The following RASA3 variants were observed in gnomAD, a reference collection of about 807,000 sequenced individuals.
RASA3 encodes RAS p21 protein activator 3.
In RASA3, 73 loss-of-function variants were observed where a neutral mutation model predicts 110.0. The ratio of observed to expected loss-of-function variants is 0.66; its 90% CI spans 0.55 to 0.81. The LOEUF (loss-of-function observed/expected upper bound fraction) is 0.81, where lower values mean the gene tolerates loss of function less well. Ranked by LOEUF, RASA3 falls within the 30% of genes least tolerant of loss-of-function variation. The pLI, the probability that RASA3 is intolerant of heterozygous loss-of-function variation, is 0.00. For missense variants in RASA3, 976 were observed against 1,113.2 expected, an observed-to-expected ratio of 0.88 and a Z score of 1.75; for synonymous variants, 500 against 451.4, an observed-to-expected ratio of 1.11 and a Z score of -1.37.
intron 1 of RASA3, among the ~76,000 whole-genome samples, chr13:114,076,555 C>G (rs929874731): frequency 6.6e-6 from 1 of 151,690 alleles, no homozygotes; most frequent in African/African-American, 2.4e-5. Flanking sequence ...CGCACACACA[C>G]GCAGCACACG....
intron 17 of RASA3, 74 bp downstream of exon 17, chr13:114,009,313 T>C (rs2053581266): frequency 8.2e-7 from 1 of 1,212,960 alleles, no homozygotes; most frequent in Non-Finnish European, 1.2e-6. Flanking sequence ...ATGTGGGTTC[T>C]ATCTCAATTT....
chr13:114,128,658 C>T (rs1002120452), intron 1 of RASA3, among the ~76,000 whole-genome samples: 7 of 152,374 alleles, frequency 4.6e-5, no homozygotes, highest in Admixed American at 1.3e-4. Flanking sequence ...CAGGCACCAG[C>T]GGTTCAATGT....
At position 113,980,028 on chromosome 13, in the gene RASA3, CTG is replaced by C. The variant is rs540748896; in HGVS notation, c.2430-608_2430-607del. ...GTGTGTACACCTCCCACGTGTGCAC[CTG>C]TGTGTGCACCTCTGTGTGCCTCCTG... On this transcript the variant is annotated intron_variant, in intron 23 of 23. Coordinates refer to ENST00000334062, the MANE Select transcript of RASA3 (RefSeq NM_007368.4). 1.9e-4 allele frequency among the ~76,000 whole-genome samples: 27 copies of C among 141,058 alleles called. No homozygotes were observed. The East Asian group carries it at 2.4e-3, about 13-fold the overall frequency. The allele number at this position is 141,058 out of a possible 152,430, so 92.5% of individuals were successfully genotyped here. A position where few individuals can be genotyped will look rare whatever the true frequency, so the allele number is the denominator to read the frequency against.
At chr13:114,052,954 G>T (rs1471943297) in intron 2 of RASA3, among the ~76,000 whole-genome samples, 1 of 123,812 alleles carries the variant, frequency 8.1e-6, no homozygotes, top group Non-Finnish European at 1.7e-5. Flanking sequence ...CCTCGCTCCT[G>T]GGGGAGAAAT....
At chr13:114,108,035 C>G (rs993539877) in intron 1 of RASA3, among the ~76,000 whole-genome samples, 2 of 151,986 alleles carry the variant, frequency 1.3e-5, no homozygotes, top group African/African-American at 2.4e-5. Flanking sequence ...CTGAACACTA[C>G]GAAAAACCTG....
At chr13:114,132,244 C>A (rs1193264233) in intron 1 of RASA3, among the ~76,000 whole-genome samples, 191 bp downstream of exon 1, 5 of 152,152 alleles carry the variant, frequency 3.3e-5, no homozygotes, top group African/African-American at 9.6e-5. Flanking sequence ...CTCGACCCAG[C>A]CCGAGGCCCG....
chr13:114,116,527 C>A (rs2080277747), intron 1 of RASA3, among the ~76,000 whole-genome samples: 1 of 114,976 alleles, frequency 8.7e-6, no homozygotes. Context: ...GCACACGAAC[C>A]CTTAGAAGAG....
intron 22 of RASA3, among the ~76,000 whole-genome samples, chr13:113,989,483 A>C: frequency 2.0e-5 from 2 of 100,930 alleles, no homozygotes; most frequent in African/African-American, 4.0e-5. Context: ...ATCCACCATC[A>C]CTCACCCATG....
intron 1 of RASA3, among the ~76,000 whole-genome samples, chr13:114,126,469 C>T (rs941923431): frequency 2.0e-5 from 3 of 151,290 alleles, no homozygotes; most frequent in South Asian, 2.1e-4. Context: ...CCTCCCAGAC[C>T]CCCTCCAAGA....
At chr13:114,080,264 C>A (rs1423665514) in intron 1 of RASA3, among the ~76,000 whole-genome samples, 1 of 152,188 alleles carries the variant, frequency 6.6e-6, no homozygotes, top group Non-Finnish European at 1.5e-5. Context: ...AGGCACCCCC[C>A]AATCCTCCTG....
chr13:114,118,492 C>T (rs576751819), intron 1 of RASA3, among the ~76,000 whole-genome samples: 3 of 152,360 alleles, frequency 2.0e-5, no homozygotes, highest in South Asian at 4.1e-4. Context: ...GACTCTATCA[C>T]ATCCCAACTC....
intron 1 of RASA3, among the ~76,000 whole-genome samples, chr13:114,131,411 A>G (rs2080517279): frequency 6.6e-6 from 1 of 152,190 alleles, no homozygotes; most frequent in Admixed American, 6.5e-5. Context: ...CAGTCACTCC[A>G]GGAAACGGTC....
At chr13:114,009,322 T>C in intron 17 of RASA3, 65 bp downstream of exon 17, 3 of 1,344,228 alleles carry the variant, frequency 2.2e-6, no homozygotes, top group Non-Finnish European at 2.1e-6. Context: ...CTATCTCAAT[T>C]TTAAAAGAGA....
intron 2 of RASA3, among the ~76,000 whole-genome samples, chr13:114,058,749 G>C (rs1264125569): frequency 6.6e-6 from 1 of 152,226 alleles, no homozygotes; most frequent in Non-Finnish European, 1.5e-5. Context: ...TGCTGCTGTG[G>C]ACACAGGTGA....
chr13:114,122,551 C>A (rs1361832752), intron 1 of RASA3, among the ~76,000 whole-genome samples: 1 of 152,242 alleles, frequency 6.6e-6, no homozygotes, highest in Non-Finnish European at 1.5e-5. Context: ...CTCCTTCCTG[C>A]CCCCGAGCCG....
chr13:114,033,013 C>G (rs2054202700), intron 4 of RASA3, among the ~76,000 whole-genome samples: 1 of 110,446 alleles, frequency 9.1e-6, no homozygotes, highest in Admixed American at 9.1e-5. Context: ...CACGGCACCC[C>G]CACACTTGAT....
intron 12 of RASA3, 84 bp downstream of exon 12, chr13:114,017,153 G>C: frequency 8.0e-7 from 1 of 1,254,134 alleles, no homozygotes; most frequent in East Asian, 2.3e-5. Context: ...CTCGTGGTCT[G>C]GCTGGATCCC....
At chr13:114,089,291 C>G (rs1230046280) in intron 1 of RASA3, among the ~76,000 whole-genome samples, 1 of 25,598 alleles carries the variant, frequency 3.9e-5, no homozygotes, top group African/African-American at 1.5e-4. Context: ...GGGAGACGAG[C>G]GGGGAGGAGG....
At chr13:114,125,990 G>A (rs1210203431) in intron 1 of RASA3, among the ~76,000 whole-genome samples, 1 of 25,714 alleles carries the variant, frequency 3.9e-5, no homozygotes, top group Non-Finnish European at 7.6e-5. Flanking sequence ...GCCCAACCTC[G>A]CACCCTCCAG....
Sources: gnomAD v4.1 joint callset for allele counts (sites outside exome capture counted in the v4.1 genomes callset) on GRCh38, gnomAD v4.1.1 for gene constraint, MANE v1.5 for transcripts, NCBI Gene and HGNC (gene_info 2026-07-23, HGNC 2026-07-21) for gene names.